Variants in PCSK6 observed in about 807,000 individuals in gnomAD.
PCSK6 encodes paired basic amino acid cleaving enzyme 4.
A neutral mutation model predicts 123.3 loss-of-function variants in PCSK6; 85 were observed. The observed-to-expected ratio is 0.69, with a 90% CI of 0.58 to 0.83. The LOEUF (loss-of-function observed/expected upper bound fraction) is 0.83, where lower values mean the gene tolerates loss of function less well. Ranked by LOEUF, PCSK6 falls within the 40% of genes least tolerant of loss-of-function variation. The pLI is 0.00. For synonymous variants in PCSK6, 508 were observed against 516.0 expected (o/e 0.98, Z 0.21); for missense variants, 1,191 against 1,282.3 (o/e 0.93, Z 1.09).
chr15:101,361,800 G>C (rs1485203107), intron 13 of PCSK6, among the ~76,000 whole-genome samples: 2 of 152,094 alleles, frequency 1.3e-5, no homozygotes, highest in African/African-American at 2.4e-5. Flanking sequence ...GTTGAGGCAG[G>C]GGGGCCAGTG....
chr15:101,467,733 C>T lies in PCSK6; in HGVS notation c.297+21641G>A, dbSNP rs922375439. The stretch of plus-strand genomic sequence containing the variant: ...ACACTGTGGCTAAACCTTAGAAACA[C>T]GATGTTAAACTGGGGGGAGAAAAGC... On this transcript the variant is annotated intron_variant, in intron 1 of 21. Coordinates refer to ENST00000611716, the MANE Select transcript of PCSK6 (RefSeq NM_002570.5). Among the ~76,000 whole-genome samples the T allele has an allele frequency of 2.4e-4, 36 of 152,196 alleles. 1 individual carries two copies. Among genetic ancestry groups the T allele is most frequent in the Non-Finnish European group, 4.1e-4 (28 of 68,040 alleles).
At chr15:101,342,129 C>CAAAAAAAAAAAAAAAAAAA (rs35083182) in intron 13 of PCSK6, among the ~76,000 whole-genome samples, 9 of 51,524 alleles carry the variant, frequency 1.7e-4, no homozygotes, top group African/African-American at 2.3e-4. Flanking sequence ...GACCCTGTCT[C>CAAAAAAAAAAAAAAAAAAA]AAAAAAAAAA....
At chr15:101,348,071 C>T (rs983767666) in intron 13 of PCSK6, among the ~76,000 whole-genome samples, 1 of 152,238 alleles carries the variant, frequency 6.6e-6, no homozygotes, top group African/African-American at 2.4e-5. Context: ...TACCTGCCCC[C>T]TCCAGGCAGC....
chr15:101,394,238 T>A (rs758443606), intron 7 of PCSK6, among the ~76,000 whole-genome samples: 10 of 150,454 alleles, frequency 6.6e-5, no homozygotes, highest in Non-Finnish European at 1.5e-4. Context: ...GCCTTCAGAG[T>A]AGCTGTGCCT....
intron 11 of PCSK6, among the ~76,000 whole-genome samples, chr15:101,374,485 T>C (rs1378424053): frequency 6.6e-6 from 1 of 152,148 alleles, no homozygotes; most frequent in Non-Finnish European, 1.5e-5. Flanking sequence ...CCAGGTTGGC[T>C]TCCTGGACCA....
chr15:101,362,160 G>T lies in PCSK6; in HGVS notation c.1858+4036C>A, dbSNP rs1425320883. Among the ~76,000 whole-genome samples the T allele has an allele frequency of 2.0e-5, 3 of 152,074 alleles. No individual in the cohort carries two copies. In the East Asian group the frequency reaches 5.8e-4, roughly 29 times the overall value. ...GTTAGTAGAGATGGGGTTTCACCAT[G>T]TTGGCCAGGATGGTCTCGATCTCCT... On this transcript the variant is annotated intron_variant, in intron 13 of 21. Transcript: ENST00000611716.
intron 2 of PCSK6, among the ~76,000 whole-genome samples, chr15:101,434,995 T>C (rs990842362): frequency 6.6e-6 from 1 of 152,124 alleles, no homozygotes; most frequent in African/African-American, 2.4e-5. Context: ...TCAACAAAAA[T>C]GCACTGAGTC....
chr15:101,369,791 C>T (rs1298865362), intron 12 of PCSK6, among the ~76,000 whole-genome samples: 2 of 152,156 alleles, frequency 1.3e-5, no homozygotes, highest in Admixed American at 6.5e-5. Flanking sequence ...AGCCCCTGAG[C>T]GCAAGAGAAG....
chr15:101,477,266 T>C (rs2057756552), intron 1 of PCSK6, among the ~76,000 whole-genome samples: 2 of 151,720 alleles, frequency 1.3e-5, no homozygotes, highest in Non-Finnish European at 2.9e-5. Flanking sequence ...TGTCTGTGTG[T>C]CTGTGTGTGT....
chr15:101,404,034 C>G (rs2042694898), intron 6 of PCSK6, among the ~76,000 whole-genome samples: 1 of 152,212 alleles, frequency 6.6e-6, no homozygotes. Flanking sequence ...TTAAGTGATA[C>G]ATTGTTTAAT....
chr15:101,480,936 T>C (rs954167273), intron 1 of PCSK6, among the ~76,000 whole-genome samples: 3 of 152,204 alleles, frequency 2.0e-5, no homozygotes, highest in African/African-American at 7.2e-5. Flanking sequence ...GTGCCTGGCC[T>C]TGGTCCCTCA....
At chr15:101,473,744 G>A (rs1355524985) in intron 1 of PCSK6, among the ~76,000 whole-genome samples, 1 of 152,210 alleles carries the variant, frequency 6.6e-6, no homozygotes, top group Admixed American at 6.5e-5. Flanking sequence ...TGGAGGTGGT[G>A]GCGTGCGCCT....
chr15:101,396,805 G>A (rs764639173), intron 7 of PCSK6, among the ~76,000 whole-genome samples: 7 of 152,110 alleles, frequency 4.6e-5, no homozygotes, highest in Non-Finnish European at 7.4e-5. Flanking sequence ...AAGGATGCCC[G>A]CAAGACCCCA....
intron 2 of PCSK6, among the ~76,000 whole-genome samples, chr15:101,439,006 G>A (rs533342913): frequency 3.3e-5 from 5 of 152,348 alleles, no homozygotes; most frequent in South Asian, 2.1e-4. Context: ...AGTGGTGGCC[G>A]TATTTCAGAG....
At chr15:101,347,042 A>G in intron 13 of PCSK6, 3 of 1,231,772 alleles carry the variant, frequency 2.4e-6, no homozygotes, top group Non-Finnish European at 3.0e-6. Flanking sequence ...CTTTTTGACA[A>G]CAGTGTGTAT....
intron 1 of PCSK6, among the ~76,000 whole-genome samples, chr15:101,448,857 C>T (rs1164709408): frequency 1.3e-5 from 2 of 152,208 alleles, no homozygotes; most frequent in Admixed American, 6.5e-5. Context: ...CATGTGTGCA[C>T]TTTCCTTCAT....
At position 101,366,039 on chromosome 15, in the gene PCSK6, TTAAAAA is replaced by T. The variant is rs1283814908; in HGVS notation, c.1858+151_1858+156del. On this transcript the variant is annotated intron_variant, in intron 13 of 21. Transcript: ENST00000611716. ...TACTAAAAGCCACTGAACTGTCCAC[TTAAAAA>T]TAATTAAAATGGTGAATTTTCTGTT... The T allele has an allele frequency of 4.4e-5, 33 of 752,942 alleles. No homozygotes were observed. The African/African-American group carries it at 5.5e-4, about 13-fold the overall frequency. 46.6% of individuals were successfully genotyped at this position (752,942 alleles called of 1,614,324 possible).
chr15:101,310,453 A>T (rs1269135290), intron 20 of PCSK6, among the ~76,000 whole-genome samples: 3 of 152,194 alleles, frequency 2.0e-5, no homozygotes, highest in Non-Finnish European at 4.4e-5. Context: ...TGACAAATGA[A>T]AGTGATTATC....
At chr15:101,342,129 C>CAAAAAAAAAAAAAAAAAAAAAAAAAAAAA (rs35083182) in intron 13 of PCSK6, among the ~76,000 whole-genome samples, 12 of 51,510 alleles carry the variant, frequency 2.3e-4, no homozygotes, top group African/African-American at 8.4e-4. Flanking sequence ...GACCCTGTCT[C>CAAAAAAAAAAAAAAAAAAAAAAAAAAAAA]AAAAAAAAAA....
Sources: gnomAD v4.1 joint callset for allele counts (sites outside exome capture counted in the v4.1 genomes callset) on GRCh38, gnomAD v4.1.1 for gene constraint, MANE v1.5 for transcripts, NCBI Gene and HGNC (gene_info 2026-07-23, HGNC 2026-07-21) for gene names.